PCCA: variants seen among roughly 807,000 people sequenced by gnomAD.
PCCA encodes propionyl-CoA carboxylase subunit alpha.
Under a neutral mutation model 101.3 loss-of-function variants are expected in PCCA, and 74 were observed. The ratio of observed to expected loss-of-function variants is 0.73; its 90% CI spans 0.61 to 0.89. PCCA has a LOEUF of 0.89. PCCA is among the 40% of genes least tolerant of loss of function. The pLI, the probability that PCCA is intolerant of heterozygous loss-of-function variation, is 0.00. For missense variants in PCCA, 891 were observed against 907.0 expected (o/e 0.98, Z 0.23); for synonymous variants, 294 against 313.6 (o/e 0.94, Z 0.66).
chr13:100,091,452 C>T (rs754249735), intron 1 of PCCA, among the ~76,000 whole-genome samples: 13 of 152,076 alleles, frequency 8.5e-5, no homozygotes, highest in Non-Finnish European at 1.9e-4. Flanking sequence ...ATGTTTGTGC[C>T]GGTAAAGAAT....
At chr13:100,119,099 G>T (rs2049111291) in intron 4 of PCCA, among the ~76,000 whole-genome samples, 2 of 151,922 alleles carry the variant, frequency 1.3e-5, no homozygotes, top group Non-Finnish European at 2.9e-5. Flanking sequence ...GATTACTTTG[G>T]TTACATTTGT....
At chr13:100,523,237 TAAG>T (rs879457644) in intron 22 of PCCA, among the ~76,000 whole-genome samples, 2 of 152,116 alleles carry the variant, frequency 1.3e-5, no homozygotes, top group Non-Finnish European at 2.9e-5. Context: ...TAATCAGAAA[TAAG>T]AAGTGGTTTA....
At chr13:100,344,066 C>A (rs1289933565) in intron 18 of PCCA, among the ~76,000 whole-genome samples, 1 of 152,140 alleles carries the variant, frequency 6.6e-6, no homozygotes, top group Non-Finnish European at 1.5e-5. Flanking sequence ...CAGAGCGAGA[C>A]CCTGTCTCAA....
intron 8 of PCCA, among the ~76,000 whole-genome samples, chr13:100,245,781 G>A (rs761572261): frequency 1.8e-4 from 28 of 152,068 alleles, no homozygotes; most frequent in Non-Finnish European, 2.9e-4. Flanking sequence ...TATTCTCTTT[G>A]TTTAAGGTAG....
intron 17 of PCCA, among the ~76,000 whole-genome samples, chr13:100,337,031 TA>T (rs577453452): frequency 8.8e-4 from 133 of 151,826 alleles, no homozygotes; most frequent in Non-Finnish European, 1.5e-3. Flanking sequence ...GGGGAGAGGG[TA>T]AACCAAGTGT....
chr13:100,210,349 A>C (rs1328375868), intron 7 of PCCA, among the ~76,000 whole-genome samples: 1 of 152,252 alleles, frequency 6.6e-6, no homozygotes. Context: ...TTAATGAATC[A>C]GCAGTGACTC....
At chr13:100,295,595 C>T (rs1044797334) in intron 12 of PCCA, among the ~76,000 whole-genome samples, 9 of 152,156 alleles carry the variant, frequency 5.9e-5, no homozygotes, top group African/African-American at 1.9e-4. Flanking sequence ...TATTAAATGA[C>T]AGTGATGTAT....
At chr13:100,100,166 C>T (rs1381733119) in intron 1 of PCCA, among the ~76,000 whole-genome samples, 3 of 152,082 alleles carry the variant, frequency 2.0e-5, no homozygotes, top group Non-Finnish European at 4.4e-5. Flanking sequence ...AAACGGGGGC[C>T]CAGAGAAATG....
At chr13:100,455,420 T>C (rs1318613552) in intron 21 of PCCA, among the ~76,000 whole-genome samples, 3 of 152,266 alleles carry the variant, frequency 2.0e-5, no homozygotes, top group Non-Finnish European at 4.4e-5. Context: ...CTAAGTGATA[T>C]ACATTTTTGT....
rs184700797 is a variant in PCCA, at chr13:100,200,189, C to G, written c.469-9143C>G. 2.6e-3 allele frequency among the ~76,000 whole-genome samples: 400 copies of G among 152,300 alleles called. 2 individuals carry two copies. Among genetic ancestry groups the G allele is most frequent in the Non-Finnish European group, 4.5e-3 (304 of 68,028 alleles). ...GCGCAATCTTGGCTCACTGCAAGCT[C>G]TGCCTCCCGGGTTCACACTGTTCTC... On this transcript the variant is annotated intron_variant, in intron 6 of 23. Transcript: ENST00000376285.
chr13:100,482,177 C>T (rs1029102923), intron 21 of PCCA, among the ~76,000 whole-genome samples: 5 of 152,124 alleles, frequency 3.3e-5, no homozygotes, highest in African/African-American at 9.7e-5. Flanking sequence ...ACAGTGGTGG[C>T]GATAGCCACG....
At chr13:100,216,295 C>G (rs751620679) in intron 7 of PCCA, among the ~76,000 whole-genome samples, 2 of 152,198 alleles carry the variant, frequency 1.3e-5, no homozygotes, top group Non-Finnish European at 2.9e-5. Context: ...TGAAGTGTAC[C>G]TGCTACTGAA....
At chr13:100,489,813 G>A (rs544576634) in intron 21 of PCCA, among the ~76,000 whole-genome samples, 2 of 152,332 alleles carry the variant, frequency 1.3e-5, no homozygotes, top group East Asian at 1.9e-4. Flanking sequence ...GAACAAGGGA[G>A]GGGTCCAAGA....
intron 20 of PCCA, among the ~76,000 whole-genome samples, chr13:100,432,683 T>C (rs998643775): frequency 2.0e-5 from 3 of 152,160 alleles, no homozygotes; most frequent in Non-Finnish European, 4.4e-5. Context: ...GAGGAGGGGT[T>C]AAGGGATTGA....
At chr13:100,238,362 T>G (rs1014186649) in intron 8 of PCCA, among the ~76,000 whole-genome samples, 17 of 152,192 alleles carry the variant, frequency 1.1e-4, no homozygotes, top group African/African-American at 4.1e-4. Flanking sequence ...GTGCTTTACC[T>G]CCTTTTCATT....
chr13:100,392,689 T>C (rs1195172298), intron 19 of PCCA, among the ~76,000 whole-genome samples: 1 of 152,210 alleles, frequency 6.6e-6, no homozygotes, highest in Non-Finnish European at 1.5e-5. Flanking sequence ...GAAATTTCCT[T>C]GGGGCAGAGG....
intron 17 of PCCA, among the ~76,000 whole-genome samples, chr13:100,332,100 A>G (rs1262706034): frequency 6.6e-6 from 1 of 151,960 alleles, no homozygotes; most frequent in African/African-American, 2.4e-5. Flanking sequence ...CACTACCCCC[A>G]GCTAATTTTT....
At chr13:100,290,544 C>CT (rs917951276) in intron 12 of PCCA, among the ~76,000 whole-genome samples, 4 of 151,964 alleles carry the variant, frequency 2.6e-5, no homozygotes, top group Admixed American at 6.6e-5. Context: ...AATTCAGGGA[C>CT]TTTTTTTTCC....
At chr13:100,486,243 A>C (rs548686333) in intron 21 of PCCA, among the ~76,000 whole-genome samples, 1 of 152,186 alleles carries the variant, frequency 6.6e-6, no homozygotes, top group African/African-American at 2.4e-5. Flanking sequence ...TAGTCTATCA[A>C]CCAATCCCAG....
Sources: gnomAD v4.1 joint callset for allele counts (sites outside exome capture counted in the v4.1 genomes callset) on GRCh38, gnomAD v4.1.1 for gene constraint, MANE v1.5 for transcripts, NCBI Gene and HGNC (gene_info 2026-07-23, HGNC 2026-07-21) for gene names.